The following KIF6 variants were observed in gnomAD, a reference collection of about 807,000 sequenced individuals.
The protein encoded by KIF6 is kinesin family member 6, also known as kinesin-like protein KIF6.
In KIF6, 106 loss-of-function variants were observed where a neutral mutation model predicts 112.7. The observed-to-expected ratio is 0.94, with a 90% confidence interval of 0.80 to 1.11. KIF6 has a LOEUF of 1.11. KIF6 is among the 50% of genes least tolerant of loss of function. The probability of loss-of-function intolerance (pLI) is 0.00; values close to 1 mark genes in which losing one functional copy is unlikely to be tolerated. For missense variants in KIF6, 929 were observed against 964.0 expected (o/e 0.96, Z 0.48); for synonymous variants, 339 against 339.9 (o/e 1.00, Z 0.03).
At chr6:39,631,199 C>A (rs537813799) in intron 5 of KIF6, among the ~76,000 whole-genome samples, 9 of 151,152 alleles carry the variant, frequency 6.0e-5, no homozygotes, top group Non-Finnish European at 1.2e-4. Context: ...TGAGTTAAAA[C>A]ATGTTTCCTC....
At chr6:39,451,302 A>T (rs577378834) in intron 13 of KIF6, among the ~76,000 whole-genome samples, 7 of 152,230 alleles carry the variant, frequency 4.6e-5, no homozygotes, top group Non-Finnish European at 8.8e-5. Flanking sequence ...GATGACGAAA[A>T]GTAAGAGGAT....
At chr6:39,429,574 C>T (rs950435831) in intron 14 of KIF6, among the ~76,000 whole-genome samples, 1 of 152,170 alleles carries the variant, frequency 6.6e-6, no homozygotes, top group Non-Finnish European at 1.5e-5. Context: ...ATCCTGAAAC[C>T]AACTTCCCTT....
chr6:39,489,635 G>A (rs934595297), intron 13 of KIF6, among the ~76,000 whole-genome samples: 3 of 152,170 alleles, frequency 2.0e-5, no homozygotes, highest in Non-Finnish European at 4.4e-5. Context: ...TCAGGATGGA[G>A]TGTGTTTCCC....
At chr6:39,659,654 C>G (rs1407284571) in intron 3 of KIF6, among the ~76,000 whole-genome samples, 1 of 152,132 alleles carries the variant, frequency 6.6e-6, no homozygotes, top group Non-Finnish European at 1.5e-5. Context: ...GGGGCTTTTC[C>G]CCCTTTGCTT....
chr6:39,639,738 C>A lies in KIF6; in HGVS notation c.271G>T (p.Gly91Cys). ...VAGSVLAGYN[G>C]TIFAYGQTGS... ...GTTTGCCCATATGCAAAGATGGTAC[C>A]ATTGTAACCTGCCAGGACACTGCAA... The change falls in exon 4 of 23, where the codon GGT becomes TGT. Residue 91 changes from glycine to cysteine, a missense_variant. Gly to Cys is a radical substitution (Grantham distance 159). Transcript: ENST00000287152. The A allele has an allele frequency of 6.2e-7, 1 of 1,611,618 alleles. No individual in the cohort carries two copies. The highest frequency in any genetic ancestry group is 2.2e-5 in the East Asian group (1 of 44,754).
At chr6:39,357,096 A>C (rs1411523818) in intron 19 of KIF6, among the ~76,000 whole-genome samples, 181 bp downstream of exon 19, 1 of 152,084 alleles carries the variant, frequency 6.6e-6, no homozygotes, top group African/African-American at 2.4e-5. Flanking sequence ...AGGGGTGTGC[A>C]CTCCAACCAA....
chr6:39,717,353 C>T (rs1485047453), intron 2 of KIF6, among the ~76,000 whole-genome samples: 2 of 152,120 alleles, frequency 1.3e-5, no homozygotes, highest in African/African-American at 2.4e-5. Context: ...TTTTCTCAAA[C>T]ATGCCGGGCG....
chr6:39,701,223 T>C lies in KIF6; in HGVS notation c.251+13469A>G, dbSNP rs147826947. 9.4e-4 allele frequency among the ~76,000 whole-genome samples: 143 copies of C among 152,330 alleles called. 1 individual carries two copies. Among genetic ancestry groups the C allele is most frequent in the African/African-American group, 3.1e-3 (130 of 41,564 alleles). ...AGACACTCAGGACAAAGAGATTGGC[T>C]CTGGTACCTATGGGATAGCCACCTC... On this transcript the variant is annotated intron_variant, in intron 3 of 22. Coordinates refer to ENST00000287152, the MANE Select transcript of KIF6 (RefSeq NM_145027.6).
At chr6:39,364,780 C>T (rs1765436851) in intron 16 of KIF6, among the ~76,000 whole-genome samples, 1 of 152,124 alleles carries the variant, frequency 6.6e-6, no homozygotes, top group Admixed American at 6.5e-5. Flanking sequence ...TCAGAGAGGG[C>T]CATGGATAAC....
At chr6:39,394,272 A>G (rs912033125) in intron 15 of KIF6, among the ~76,000 whole-genome samples, 1 of 152,234 alleles carries the variant, frequency 6.6e-6, no homozygotes, top group African/African-American at 2.4e-5. Context: ...ATTTATAAAA[A>G]GAAATAAAAA....
intron 3 of KIF6, among the ~76,000 whole-genome samples, chr6:39,685,158 A>G (rs140246050): frequency 6.6e-6 from 1 of 152,250 alleles, no homozygotes; most frequent in Non-Finnish European, 1.5e-5. Flanking sequence ...AGCAGATACT[A>G]CAATGAACTG....
intron 15 of KIF6, among the ~76,000 whole-genome samples, chr6:39,416,433 A>G (rs778599943): frequency 2.4e-4 from 37 of 152,322 alleles, no homozygotes; most frequent in Non-Finnish European, 4.9e-4. Context: ...TGTATATGGA[A>G]CAGGTAGATA....
At chr6:39,368,187 ACT>A (rs1765719495) in intron 16 of KIF6, among the ~76,000 whole-genome samples, 2 of 152,074 alleles carry the variant, frequency 1.3e-5, no homozygotes, top group Non-Finnish European at 2.9e-5. Context: ...AGGAAAGCAC[ACT>A]CTCTGTAAGG....
In KIF6 at chr6:39,345,938, G is replaced by C. The variant is rs1299086522; in HGVS notation, c.2232-149C>G. The C allele has an allele frequency of 4.8e-6, 3 of 625,120 alleles. No individual in the cohort carries two copies. In the African/African-American group the frequency reaches 5.5e-5, roughly 11 times the overall value. The allele number at this position is 625,120 out of a possible 1,614,324, so 38.7% of individuals were successfully genotyped here. A position where few individuals can be genotyped will look rare whatever the true frequency, so the allele number is the denominator to read the frequency against. On this transcript the variant is annotated intron_variant, in intron 20 of 22. Coordinates refer to ENST00000287152, the MANE Select transcript of KIF6 (RefSeq NM_145027.6). ...CCTAATTCCCAGTGTGATGGCATTG[G>C]GCAGTGGGGCCTTTGGGAGGTGAAT...
At chr6:39,567,009 C>G (rs572372032) in intron 10 of KIF6, among the ~76,000 whole-genome samples, 1 of 152,064 alleles carries the variant, frequency 6.6e-6, no homozygotes, top group Non-Finnish European at 1.5e-5. Context: ...GTTTTCTTTT[C>G]GGGCACTTTT....
rs760910711 is a variant in KIF6, at chr6:39,725,222, G to C, written c.66+23C>G. The C allele has an allele frequency of 3.1e-6, 5 of 1,598,618 alleles. No homozygotes were observed. The Admixed American group carries it at 6.8e-5, about 22-fold the overall frequency. ...GCCCAAGAGGCCCCGCCGCGCCGGCGCCCCGGAGGCTCCAGCCCGTACCCC... is the reference window on the plus strand; with the variant it reads ...GCCCAAGAGGCCCCGCCGCGCCGGCCCCCCGGAGGCTCCAGCCCGTACCCC... On this transcript the variant is annotated intron_variant, in intron 1 of 22. Coordinates refer to ENST00000287152, the MANE Select transcript of KIF6 (RefSeq NM_145027.6).
At chr6:39,608,028 T>C (rs1050697149) in intron 6 of KIF6, among the ~76,000 whole-genome samples, 1 of 152,184 alleles carries the variant, frequency 6.6e-6, no homozygotes, top group Non-Finnish European at 1.5e-5. Context: ...CCTATCCTTA[T>C]GTTATTAGAC....
Position 39,702,263 on chromosome 6 carries a change from C to T in KIF6, c.251+12429G>A, listed in dbSNP as rs575142035. Among the ~76,000 whole-genome samples, 5 of 152,230 alleles carry T rather than the reference C, an allele frequency of 3.3e-5. No homozygotes were observed. In the South Asian group the frequency reaches 1.0e-3, roughly 32 times the overall value. ...TTGTCCAGATTTTCCCAGTTCACACCGCCAAGAGTGATAGTCTGATGGCCC... is the reference window on the plus strand; with the variant it reads ...TTGTCCAGATTTTCCCAGTTCACACTGCCAAGAGTGATAGTCTGATGGCCC... On this transcript the variant is annotated intron_variant, in intron 3 of 22. Coordinates refer to ENST00000287152, the MANE Select transcript of KIF6 (RefSeq NM_145027.6).
intron 6 of KIF6, among the ~76,000 whole-genome samples, chr6:39,612,003 T>G (rs998823692): frequency 1.3e-5 from 2 of 152,190 alleles, no homozygotes; most frequent in African/African-American, 2.4e-5. Flanking sequence ...TCCATATATA[T>G]GGCACATAAA....
Sources: gnomAD v4.1 joint callset for allele counts (sites outside exome capture counted in the v4.1 genomes callset) on GRCh38, gnomAD v4.1.1 for gene constraint, MANE v1.5 for transcripts, NCBI Gene and HGNC (gene_info 2026-07-23, HGNC 2026-07-21) for gene names.